RABGAP1L: variants seen among roughly 807,000 people sequenced by gnomAD.
RABGAP1L encodes RAB GTPase activating protein 1 like.
In RABGAP1L, 63 loss-of-function variants were observed where a neutral mutation model predicts 137.7. The ratio of observed to expected loss-of-function variants is 0.46; its 90% CI spans 0.37 to 0.56. RABGAP1L has a LOEUF of 0.56. Among genes scored for constraint, RABGAP1L ranks in the 20% least tolerant of loss-of-function variants. The probability of loss-of-function intolerance (pLI) is 0.00; values close to 1 mark genes in which losing one functional copy is unlikely to be tolerated. For missense variants in RABGAP1L, 1,095 were observed against 1,244.0 expected (o/e 0.88, Z 1.80); for synonymous variants, 431 against 433.7 (o/e 0.99, Z 0.08).
chr1:174,330,334 C>T lies in RABGAP1L; in HGVS notation c.1465+25207C>T, dbSNP rs773818313. Among the ~76,000 whole-genome samples, 39 of 152,118 alleles carry T rather than the reference C, an allele frequency of 2.6e-4. 1 individual carries two copies. Among genetic ancestry groups the T allele is most frequent in the Non-Finnish European group, 5.4e-4 (37 of 68,026 alleles). ...GTGGCTCATGCCTGTAATTCCAACACTTTCGGAGGCTGAGGCAGGAGGATC... is the reference window on the plus strand; with the variant it reads ...GTGGCTCATGCCTGTAATTCCAACATTTTCGGAGGCTGAGGCAGGAGGATC... On this transcript the variant is annotated intron_variant, in intron 11 of 25. Transcript: ENST00000681986.
chr1:174,927,449 C>T (rs992316169), intron 19 of RABGAP1L, among the ~76,000 whole-genome samples: 2 of 152,090 alleles, frequency 1.3e-5, no homozygotes, highest in Non-Finnish European at 2.9e-5. Context: ...AGGCTGGTCT[C>T]GAACTCCTGA....
chr1:174,637,906 T>C (rs1674192463), intron 14 of RABGAP1L, among the ~76,000 whole-genome samples: 3 of 152,240 alleles, frequency 2.0e-5, no homozygotes, highest in African/African-American at 7.2e-5. Flanking sequence ...GTTGTTGATA[T>C]ATTCTGAGTT....
intron 13 of RABGAP1L, among the ~76,000 whole-genome samples, chr1:174,561,993 AAAT>A (rs2148019091): frequency 1.3e-5 from 2 of 152,346 alleles, no homozygotes; most frequent in East Asian, 3.9e-4. Flanking sequence ...ACAAAAGCCA[AAAT>A]TGACACATGG....
chr1:174,859,273 A>G (rs140593286), intron 19 of RABGAP1L, among the ~76,000 whole-genome samples: 3,188 of 152,162 alleles, frequency 0.021, 122 homozygotes, highest in African/African-American at 0.074. Flanking sequence ...TGAGGTCAGG[A>G]GATCGAGACC....
intron 19 of RABGAP1L, among the ~76,000 whole-genome samples, chr1:174,944,644 TAAAA>T (rs71815856): frequency 2.5e-5 from 3 of 119,648 alleles, no homozygotes; most frequent in Admixed American, 1.7e-4. Context: ...CTCAAAAAAT[TAAAA>T]AAAAAAAAAA....
At chr1:174,696,276 C>T (rs1340247310) in intron 15 of RABGAP1L, among the ~76,000 whole-genome samples, 1 of 151,940 alleles carries the variant, frequency 6.6e-6, no homozygotes, top group Non-Finnish European at 1.5e-5. Flanking sequence ...AGGACAAAGT[C>T]CTCTTTACTG....
At chr1:174,350,835 T>G (rs1191261860) in intron 11 of RABGAP1L, among the ~76,000 whole-genome samples, 3 of 83,856 alleles carry the variant, frequency 3.6e-5, no homozygotes, top group African/African-American at 1.0e-4. Context: ...CCGTCTGCAA[T>G]CCCGGCACCT....
chr1:174,582,473 T>C (rs1668815353), intron 13 of RABGAP1L, among the ~76,000 whole-genome samples: 1 of 151,948 alleles, frequency 6.6e-6, no homozygotes, highest in African/African-American at 2.4e-5. Flanking sequence ...CTGGCAGTGG[T>C]GCGTGCCTGT....
chr1:174,229,628 A>G (rs1156896389), intron 3 of RABGAP1L, among the ~76,000 whole-genome samples: 3 of 152,106 alleles, frequency 2.0e-5, no homozygotes, highest in African/African-American at 7.2e-5. Flanking sequence ...ACTAGCCTCA[A>G]TAAATCTACA....
chr1:174,865,116 T>C (rs1239440117), intron 19 of RABGAP1L, among the ~76,000 whole-genome samples: 1 of 151,924 alleles, frequency 6.6e-6, no homozygotes, highest in East Asian at 1.9e-4. Context: ...TGAGACCCTG[T>C]CTCAAAAAAA....
intron 19 of RABGAP1L, among the ~76,000 whole-genome samples, chr1:174,956,402 G>A (rs988544876): frequency 6.6e-6 from 1 of 152,118 alleles, no homozygotes; most frequent in African/African-American, 2.4e-5. Flanking sequence ...TTTATACTAC[G>A]CTGTGCTTAT....
chr1:174,551,076 G>A (rs1345636988), intron 13 of RABGAP1L, among the ~76,000 whole-genome samples: 1 of 141,432 alleles, frequency 7.1e-6, no homozygotes, highest in Non-Finnish European at 1.5e-5. Flanking sequence ...TGGCATGGTG[G>A]CACACGCATG....
chr1:174,314,684 T>G (rs1235320242), intron 11 of RABGAP1L, among the ~76,000 whole-genome samples: 1 of 152,164 alleles, frequency 6.6e-6, no homozygotes, highest in East Asian at 1.9e-4. Flanking sequence ...TTCGGTATGT[T>G]GTGTTTCCTT....
intron 17 of RABGAP1L, among the ~76,000 whole-genome samples, chr1:174,729,269 G>A (rs945999092): frequency 3.9e-5 from 6 of 152,282 alleles, no homozygotes; most frequent in African/African-American, 1.4e-4. Flanking sequence ...TAGTTGGCGA[G>A]CCATATGCAA....
intron 13 of RABGAP1L, among the ~76,000 whole-genome samples, chr1:174,621,450 A>G (rs183928771): frequency 9.1e-4 from 139 of 152,316 alleles, no homozygotes; most frequent in Non-Finnish European, 6.3e-4. Context: ...CTGACTTCAA[A>G]CTATACTACA....
intron 19 of RABGAP1L, among the ~76,000 whole-genome samples, chr1:174,865,342 A>G (rs1180225743): frequency 6.6e-6 from 1 of 152,182 alleles, no homozygotes; most frequent in Non-Finnish European, 1.5e-5. Context: ...CTCCCTCTCA[A>G]AAAAGAACAC....
chr1:174,545,199 A>T (rs1187709112), intron 13 of RABGAP1L: 1 of 142,178 alleles, frequency 7.0e-6, no homozygotes, highest in Non-Finnish European at 1.6e-5. Context: ...CCCTGCCCCC[A>T]GTACTGGAGT....
chr1:174,383,707 T>G (rs1228866032), intron 12 of RABGAP1L, among the ~76,000 whole-genome samples: 3 of 152,138 alleles, frequency 2.0e-5, no homozygotes, highest in Non-Finnish European at 4.4e-5. Flanking sequence ...CCTAGTGAGA[T>G]GAACCCGGTA....
rs752353382 is a variant in RABGAP1L at position 174,752,361 on chromosome 1, C to CT, written c.2211+15dup. 68 of 1,558,206 alleles carry CT rather than the reference C, an allele frequency of 4.4e-5. No individual in the cohort carries two copies. The highest frequency in any genetic ancestry group is 9.4e-5 in the South Asian group (8 of 85,364). On this transcript the variant is annotated splice_region_variant and intron_variant, in intron 18 of 25. Coordinates refer to ENST00000681986, the MANE Select transcript of RABGAP1L (RefSeq NM_001366446.1). Reference sequence around the variant, plus strand: ...AGCTTTGGCTCTCCTAAAGGTAAGTCTTTTTTTTAATCTTAAGTTACCACA... The same window carrying CT: ...AGCTTTGGCTCTCCTAAAGGTAAGTCTTTTTTTTTAATCTTAAGTTACCACA...
Sources: gnomAD v4.1 joint callset for allele counts (sites outside exome capture counted in the v4.1 genomes callset) on GRCh38, gnomAD v4.1.1 for gene constraint, MANE v1.5 for transcripts, NCBI Gene and HGNC (gene_info 2026-07-23, HGNC 2026-07-21) for gene names.